The following PCDHGA5 variants were observed in gnomAD, a reference collection of about 807,000 sequenced individuals.
PCDHGA5 encodes protocadherin gamma subfamily A, 5, also known as protocadherin gamma-A5.
In PCDHGA5, 36 loss-of-function variants were observed where a neutral mutation model predicts 56.7. That is an observed-to-expected ratio of 0.64 (90% CI 0.49 to 0.84). PCDHGA5 has a LOEUF of 0.84. Ranked by LOEUF, PCDHGA5 falls within the 40% of genes least tolerant of loss-of-function variation. PCDHGA5 has a pLI of 0.00. For missense variants in PCDHGA5, 1,305 were observed against 1,201.5 expected, an observed-to-expected ratio of 1.09 and a Z score of -1.27; for synonymous variants, 563 against 520.2, an observed-to-expected ratio of 1.08 and a Z score of -1.12.
chr5:141,417,618 G>A (rs370911891), intron 1 of PCDHGA5: 3 of 654,230 alleles, frequency 4.6e-6, no homozygotes, highest in Non-Finnish European at 7.4e-6. Context: ...CCAGTGCAGA[G>A]CAAGCGCTGA....
intron 1 of PCDHGA5, chr5:141,390,221 C>T (rs764241687): frequency 5.8e-5 from 94 of 1,614,004 alleles, no homozygotes; most frequent in African/African-American, 2.0e-4. Context: ...ACATACTTTG[C>T]GGTGATTCAT....
intron 1 of PCDHGA5, among the ~76,000 whole-genome samples, chr5:141,453,121 G>A (rs62379169): frequency 4.7e-4 from 71 of 151,818 alleles, no homozygotes; most frequent in Non-Finnish European, 8.4e-4. Flanking sequence ...GTTTTGTTTT[G>A]TTTTGTTTTT....
At chr5:141,413,664 T>G in intron 1 of PCDHGA5, 1 of 1,613,858 alleles carries the variant, frequency 6.2e-7, no homozygotes, top group Non-Finnish European at 8.5e-7. Flanking sequence ...AAGCTATTGA[T>G]CCGGATGTGG....
At chr5:141,383,625 C>T (rs754758092) in intron 1 of PCDHGA5, 32 of 1,613,930 alleles carry the variant, frequency 2.0e-5, no homozygotes, top group Non-Finnish European at 2.7e-5. Context: ...CGCCTGTCTT[C>T]TCTCTGCCTC....
intron 1 of PCDHGA5, chr5:141,478,104 C>T (rs1440105341): frequency 6.2e-7 from 1 of 1,614,118 alleles, no homozygotes; most frequent in South Asian, 1.1e-5. Flanking sequence ...GCTACCCTCA[C>T]TGTGTCAGTA....
At position 141,476,453 on chromosome 5, in the gene PCDHGA5, G is replaced by A. The variant is rs1432113874; in HGVS notation, c.2422-18354G>A. 3 of 1,614,138 alleles carry A rather than the reference G, an allele frequency of 1.9e-6. No individual in the cohort carries two copies. The East Asian group carries it at 6.7e-5, about 36-fold the overall frequency. ...CACTGTAACTCTGGAGTTGGTAGTG[G>A]AGAACCCGCTGGAGCTGTTCAGCGT... On this transcript the variant is annotated intron_variant, in intron 1 of 3. Transcript: ENST00000518069. The surrounding 1 kb of genome is among the most constrained non-coding windows in gnomAD (Gnocchi z 7.6).
chr5:141,376,399 GC>G, intron 1 of PCDHGA5: 4 of 1,614,182 alleles, frequency 2.5e-6, no homozygotes, highest in Non-Finnish European at 3.4e-6. Context: ...TTTTCCCCCA[GC>G]CCAACTATGC....
At chr5:141,457,280 A>G (rs964027392) in intron 1 of PCDHGA5, among the ~76,000 whole-genome samples, 2 of 152,196 alleles carry the variant, frequency 1.3e-5, no homozygotes, top group Admixed American at 1.3e-4. Context: ...TGGGCCTACG[A>G]AGTTCCTTGG....
intron 1 of PCDHGA5, chr5:141,428,251 T>C (rs761574102): frequency 1.1e-5 from 10 of 893,496 alleles, no homozygotes; most frequent in Middle Eastern, 2.1e-4. Flanking sequence ...ACTGCCAGAC[T>C]TCAGTGACAG....
At position 141,476,503 on chromosome 5, in the gene PCDHGA5, C is replaced by T. The variant is rs1259213742; in HGVS notation, c.2422-18304C>T. 2 of 1,614,138 alleles carry T rather than the reference C, an allele frequency of 1.2e-6. No individual in the cohort carries two copies. ...TGGAAGTGGTGATCCAGGACATCAA[C>T]GACAACAATCCTGCTTTCCCTACCC... On this transcript the variant is annotated intron_variant, in intron 1 of 3. Transcript: ENST00000518069. The surrounding 1 kb of genome is among the most constrained non-coding windows in gnomAD (Gnocchi z 7.6).
chr5:141,478,013 C>G (rs768425714), intron 1 of PCDHGA5: 6 of 1,614,136 alleles, frequency 3.7e-6, no homozygotes. Flanking sequence ...TACTGCCCGT[C>G]CAGTCCAAGA....
intron 1 of PCDHGA5, chr5:141,388,774 G>A: frequency 3.1e-6 from 5 of 1,613,878 alleles, no homozygotes; most frequent in Non-Finnish European, 4.2e-6. Flanking sequence ...TCTAACACCG[G>A]GGAAATTACT....
intron 1 of PCDHGA5, chr5:141,423,971 G>T: frequency 8.8e-7 from 1 of 1,136,014 alleles, no homozygotes; most frequent in Non-Finnish European, 1.1e-6. Context: ...TCTATTATCA[G>T]TGTATGAGGC....
At chr5:141,404,661 A>G (rs930319561) in intron 1 of PCDHGA5, 1 of 1,614,098 alleles carries the variant, frequency 6.2e-7, no homozygotes. Context: ...CTCCCCACTG[A>G]TGGTTCTACT....
intron 1 of PCDHGA5, chr5:141,376,102 C>G (rs1772284190): frequency 6.2e-7 from 1 of 1,613,506 alleles, no homozygotes; most frequent in Non-Finnish European, 8.5e-7. Flanking sequence ...ACATCCTGGC[C>G]GACCTGGGCA....
chr5:141,490,249 C>T lies in PCDHGA5; in HGVS notation c.2422-4558C>T, dbSNP rs2099697737. On this transcript the variant is annotated intron_variant, in intron 1 of 3. Coordinates refer to ENST00000518069, the MANE Select transcript of PCDHGA5 (RefSeq NM_018918.3). The surrounding 1 kb of genome is among the most constrained non-coding windows in gnomAD (Gnocchi z 5.4). ...TGCCATGGAGGGCCACTGTGTGATT[C>T]AAGTGGATGTGGGGGATGTCAATGA... The T allele has an allele frequency of 1.2e-6, 2 of 1,614,218 alleles. No individual in the cohort carries two copies. The highest frequency in any genetic ancestry group is 1.7e-6 in the Non-Finnish European group (2 of 1,180,044).
intron 1 of PCDHGA5, chr5:141,384,561 C>T (rs778010622): frequency 3.7e-6 from 6 of 1,614,254 alleles, no homozygotes; most frequent in Admixed American, 3.3e-5. Context: ...TCGTGCTGGA[C>T]CAGAATGACA....
At chr5:141,385,016 C>A (rs536780147) in intron 1 of PCDHGA5, 4 of 1,614,186 alleles carry the variant, frequency 2.5e-6, no homozygotes, top group Non-Finnish European at 3.4e-6. Flanking sequence ...GTCTTCCTAG[C>A]CTTCGTCCTC....
chr5:141,420,911 T>C (rs948220220), intron 1 of PCDHGA5: 6 of 313,968 alleles, frequency 1.9e-5, no homozygotes, highest in Admixed American at 1.8e-4. Flanking sequence ...CAAATACGTG[T>C]GATTCACAAA....
Sources: gnomAD v4.1 joint callset for allele counts (sites outside exome capture counted in the v4.1 genomes callset) on GRCh38, gnomAD v4.1.1 for gene constraint, Gnocchi (gnomAD v3.1) non-coding constraint, MANE v1.5 for transcripts, NCBI Gene and HGNC (gene_info 2026-07-23, HGNC 2026-07-21) for gene names.